The following DNAH3 variants were observed in gnomAD, a reference collection of about 807,000 sequenced individuals.
The protein encoded by DNAH3 is dynein axonemal heavy chain 3, also known as axonemal beta dynein heavy chain 3.
Under a neutral mutation model 432.5 loss-of-function variants are expected in DNAH3, and 332 were observed. That is an observed-to-expected ratio of 0.77 (90% CI 0.70 to 0.84). The LOEUF (loss-of-function observed/expected upper bound fraction) is 0.84. Among genes scored for constraint, DNAH3 ranks in the 40% least tolerant of loss-of-function variants. DNAH3 has a pLI of 0.00. For missense variants in DNAH3, 4,861 were observed against 5,114.0 expected (o/e 0.95, Z 1.51); for synonymous variants, 1,956 against 1,900.2 (o/e 1.03, Z -0.76).
chr16:21,068,325 T>TGGGGGGGGGGG (rs10547729), intron 23 of DNAH3, among the ~76,000 whole-genome samples: 4 of 76,654 alleles, frequency 5.2e-5, no homozygotes, highest in South Asian at 5.1e-4. Flanking sequence ...TTTTTTTGGG[T>TGGGGGGGGGGG]GGGGGGGGGG....
chr16:21,153,226 T>G (rs1198543503), intron 1 of DNAH3, among the ~76,000 whole-genome samples: 1 of 151,978 alleles, frequency 6.6e-6, no homozygotes, highest in Non-Finnish European at 1.5e-5. Context: ...GCTTGGGGAT[T>G]GTAAATACAC....
At chr16:21,044,624 G>A (rs547564338) in intron 31 of DNAH3, among the ~76,000 whole-genome samples, 10,543 of 56,156 alleles carry the variant, frequency 0.19, 1,168 homozygotes, top group South Asian at 0.3. Context: ...TGCAAACAGG[G>A]ACAATTTGAC....
intron 1 of DNAH3, among the ~76,000 whole-genome samples, chr16:21,156,159 ATTCTTATTTTATTTTATT>A (rs1171692723): frequency 7.6e-5 from 11 of 145,418 alleles, no homozygotes. Context: ...TCTGGGAGTT[ATTCTTATTTTATTTTATT>A]TTATTTTATT....
At chr16:20,988,738 C>A (rs2086356694) in intron 44 of DNAH3, among the ~76,000 whole-genome samples, 1 of 152,254 alleles carries the variant, frequency 6.6e-6, no homozygotes. Context: ...TCACTGACTT[C>A]AAAAATGAAG....
intron 54 of DNAH3, 21 bp from the exon 55 acceptor site, chr16:20,955,078 A>G: frequency 3.2e-6 from 5 of 1,584,188 alleles, no homozygotes; most frequent in Non-Finnish European, 4.3e-6. Context: ...AATGGACCCA[A>G]CGTTTTAGAG....
Position 21,033,958 on chromosome 16 carries a change from G to C in DNAH3, c.5197+16C>G. ...GGAGTTCTGTCCTCCCTGGAAGCCA[G>C]GGATGTGAGCTTTACCTGCGTGTAA... On this transcript the variant is annotated intron_variant, in intron 36 of 61. Coordinates refer to ENST00000261383, the Ensembl canonical transcript of DNAH3. 6.3e-7 allele frequency: 1 copy of C among 1,596,758 alleles called. No individual in the cohort carries two copies. The highest frequency in any genetic ancestry group is 8.6e-7 in the Non-Finnish European group (1 of 1,165,188).
intron 43 of DNAH3, among the ~76,000 whole-genome samples, chr16:20,997,866 A>T (rs1300597992): frequency 6.8e-6 from 1 of 147,818 alleles, no homozygotes; most frequent in African/African-American, 2.5e-5. Flanking sequence ...AAAATTAGTC[A>T]GGCATGGTGG....
At chr16:21,029,550 T>TA (rs2152722328) in intron 37 of DNAH3, among the ~76,000 whole-genome samples, 1 of 152,344 alleles carries the variant, frequency 6.6e-6, no homozygotes, top group East Asian at 1.9e-4. Flanking sequence ...ATCAAGAGAC[T>TA]AAATAGCTTG....
At chr16:21,106,251 C>T (rs113178902) in intron 15 of DNAH3, among the ~76,000 whole-genome samples, 1 of 151,040 alleles carries the variant, frequency 6.6e-6, no homozygotes, top group Non-Finnish European at 1.5e-5. Context: ...AACAAGATTC[C>T]TTTTGTGTGA....
intron 11 of DNAH3, among the ~76,000 whole-genome samples, chr16:21,118,126 T>C (rs2092251149): frequency 6.6e-6 from 1 of 151,926 alleles, no homozygotes; most frequent in Non-Finnish European, 1.5e-5. Context: ...TAGCTGGGAT[T>C]ACAGGCATGC....
At chr16:20,962,226 A>T (rs2084855774) in intron 53 of DNAH3, among the ~76,000 whole-genome samples, 1 of 152,188 alleles carries the variant, frequency 6.6e-6, no homozygotes, top group East Asian at 1.9e-4. Context: ...CTACTGAAAT[A>T]GTGGATCTTG....
chr16:20,957,469 G>A (rs974995025), intron 54 of DNAH3, among the ~76,000 whole-genome samples: 8 of 152,230 alleles, frequency 5.3e-5, no homozygotes, highest in African/African-American at 1.9e-4. Flanking sequence ...ACTGGCAGCA[G>A]GGTGCATTTG....
chr16:21,143,173 T>C (rs1028187201), intron 3 of DNAH3, among the ~76,000 whole-genome samples: 2 of 152,178 alleles, frequency 1.3e-5, no homozygotes, highest in African/African-American at 4.8e-5. Context: ...TTCACAGATA[T>C]TAATAATTTT....
chr16:21,143,930 G>A (rs140170029), intron 3 of DNAH3, among the ~76,000 whole-genome samples: 29 of 152,306 alleles, frequency 1.9e-4, no homozygotes, highest in African/African-American at 6.7e-4. Context: ...GAACAGAGTT[G>A]AAGAGAAAAT....
In DNAH3 at chr16:20,989,023, T is replaced by C. The variant is rs532779552; in HGVS notation, c.6602-958A>G. On this transcript the variant is annotated intron_variant, in intron 44 of 61. Coordinates refer to ENST00000261383, the Ensembl canonical transcript of DNAH3. ...GGAGTGTTACAGCTCATAAAAGCAG[T>C]GTGGACCCACAGAGTGAGCACCAGT... Among the ~76,000 whole-genome samples the C allele has an allele frequency of 1.8e-3, 269 of 152,304 alleles. 3 individuals are homozygous for C. The highest frequency in any genetic ancestry group is 5.7e-3 in the African/African-American group (236 of 41,562).
exon 15 of DNAH3, chr16:21,106,639 A>C (rs2091953613): frequency 1.9e-6 from 3 of 1,604,980 alleles, no homozygotes; most frequent in Non-Finnish European, 2.6e-6. Context: ...AACCTCACTG[A>C]CTTTGTCTGC....
rs781188145 is a variant in DNAH3 at position 20,964,945 on chromosome 16, C to G, written c.8939G>C (p.Arg2980Thr). 3.1e-6 allele frequency: 5 copies of G among 1,614,204 alleles called. No homozygotes were observed. The South Asian group carries it at 5.5e-5, about 18-fold the overall frequency. The change falls in exon 53 of 62, where the codon AGA (arginine) becomes ACA (threonine). Residue 2980 changes from arginine to threonine, a missense_variant. Transcript: ENST00000261383. ...CAGCTGTCGGGCAGCTTCGGTCCAT[C>G]TGTCCTTCTCTCCCCCAAGACCACT... is the stretch of plus-strand genomic sequence containing the variant.
chr16:20,953,669 T>A (rs2084422739), intron 55 of DNAH3, among the ~76,000 whole-genome samples: 1 of 151,922 alleles, frequency 6.6e-6, no homozygotes, highest in Admixed American at 6.6e-5. Flanking sequence ...ACTCCCAGGC[T>A]CAAGTGATCC....
chr16:21,134,267 C>A (rs1429219287), exon 7 of DNAH3: 1 of 1,610,548 alleles, frequency 6.2e-7, no homozygotes, highest in East Asian at 2.2e-5. Context: ...ACTCTGCAAA[C>A]CACAGTTCTT....
Sources: gnomAD v4.1 joint callset for allele counts (sites outside exome capture counted in the v4.1 genomes callset) on GRCh38, gnomAD v4.1.1 for gene constraint, MANE v1.5 for transcripts, NCBI Gene and HGNC (gene_info 2026-07-23, HGNC 2026-07-21) for gene names.